Variants in FLNA observed in about 807,000 individuals in gnomAD.
The protein encoded by FLNA is filamin-A.
FLNA carries 7 observed loss-of-function variants against 157.6 expected under a neutral mutation model. The ratio of observed to expected loss-of-function variants is 0.04; its 90% CI spans 0.03 to 0.08. FLNA has a LOEUF of 0.08. FLNA is among the 10% of genes least tolerant of loss of function. FLNA has a pLI of 1.00. For missense variants in FLNA, 1,750 were observed against 2,398.4 expected, an observed-to-expected ratio of 0.73 and a Z score of 5.65; for synonymous variants, 1,103 against 1,060.8, an observed-to-expected ratio of 1.04 and a Z score of -0.77.
chrX:154,355,185 C>T (rs1367551537), intron 30 of FLNA, 113 bp from the exon 31 acceptor site: 2 of 779,815 alleles, frequency 2.6e-6, no homozygotes, highest in Non-Finnish European at 3.6e-6. Flanking sequence ...CCAAGCACAG[C>T]CAGGCCGCCA....
chrX:154,358,599 C>T (rs781871752), intron 26 of FLNA, 31 bp from the exon 27 acceptor site: 17 of 1,203,001 alleles, frequency 1.4e-5, no homozygotes, highest in Non-Finnish European at 1.8e-5. Flanking sequence ...AGAGCATCAG[C>T]TAGTCTCCTG....
At chrX:154,373,431 T>C (rs1379486178) in intron 1 of FLNA, among the ~76,000 whole-genome samples, 1 of 112,255 alleles carries the variant, frequency 8.9e-6, no homozygotes, top group Non-Finnish European at 1.9e-5. Flanking sequence ...TGTAGAGGGT[T>C]CTTGTCCCTA....
rs1557176451 is a variant in FLNA, at chrX:154,354,395, T to G, written c.5402A>C (p.Lys1801Thr). The G allele has an allele frequency of 8.3e-7, 1 of 1,211,582 alleles. No homozygotes were observed. The highest frequency in any genetic ancestry group is 2.2e-5 in the Admixed American group (1 of 46,128). ...TCCCCACTCACCTGTGATCTCGCCC[T>G]TCTTGATGGTGAAGGGGATGACAAG... ...FDLVIPFTIK[K>T]GEITGEVRMP... The change falls in exon 33 of 48, where the codon AAG becomes ACG. Residue 1801 changes from lysine (K) to threonine (T), a missense_variant. Coordinates refer to ENST00000369850, the MANE Select transcript of FLNA (RefSeq NM_001110556.2).
chrX:154,356,110 A>AC (rs1358524309), intron 30 of FLNA, among the ~76,000 whole-genome samples: 1 of 111,671 alleles, frequency 9.0e-6, no homozygotes, highest in African/African-American at 3.3e-5. Context: ...ACTCATGTGC[A>AC]CCCCATGCCA....
At chrX:154,364,468 C>T (rs904913739) in intron 13 of FLNA, 58 bp downstream of exon 13, 2 of 1,192,803 alleles carry the variant, frequency 1.7e-6, no homozygotes, top group African/African-American at 3.6e-5. Flanking sequence ...GCCATCCCCA[C>T]CAGACCCCAA....
At chrX:154,349,179 C>G (rs781949254) in intron 47 of FLNA, 143 bp from the exon 48 acceptor site, 2 of 761,942 alleles carry the variant, frequency 2.6e-6, no homozygotes, top group African/African-American at 4.1e-5. Context: ...CAACCCAGGC[C>G]AGCTTAGCAG....
Position 154,350,999 on chromosome X carries a change from T to G in FLNA, c.7066A>C (p.Ser2356Arg), listed in dbSNP as rs781823700. ...ATCGCCCCCTTGGCCCCGTTCAGGCTGACTGCAAAAGAGGCTGGCTGGTTG... is the reference window on the plus strand; with the variant it reads ...ATCGCCCCCTTGGCCCCGTTCAGGCGGACTGCAAAAGAGGCTGGCTGGTTG... ...KVNQPASFAV[S>R]LNGAKGAIDA... is the part of the protein sequence containing the mutation. Residue 2356 changes from serine to arginine, a missense_variant, in exon 44 of 48, where the codon AGC (serine) becomes CGC (arginine). By Grantham distance (110) the Ser-to-Arg change is moderately radical. Transcript: ENST00000369850. 30 of 1,210,317 alleles carry G rather than the reference T, an allele frequency of 2.5e-5. No homozygotes were observed. In the Admixed American group the frequency reaches 2.8e-4, roughly 11 times the overall value.
intron 5 of FLNA, 71 bp downstream of exon 5, chrX:154,367,326 C>G: frequency 8.8e-7 from 1 of 1,137,953 alleles, no homozygotes; most frequent in Non-Finnish European, 1.2e-6. Context: ...GGGACCGCCA[C>G]GTTTAGATGG....
intron 40 of FLNA, 43 bp downstream of exon 40, chrX:154,352,510 C>T: frequency 3.3e-6 from 4 of 1,210,865 alleles, no homozygotes; most frequent in Non-Finnish European, 4.5e-6. Context: ...CTTGGGGCTG[C>T]TTGAGCCCCA....
At chrX:154,357,870 G>C (rs1485705634) in intron 28 of FLNA, among the ~76,000 whole-genome samples, 1 of 112,749 alleles carries the variant, frequency 8.9e-6, no homozygotes, top group Non-Finnish European at 1.9e-5. Flanking sequence ...TCAGCCCCAG[G>C]GCCTGGCCAG....
chrX:154,371,328 C>G lies in FLNA; in HGVS notation c.-83G>C. 9.0e-7 allele frequency: 1 copy of G among 1,110,963 alleles called. No individual in the cohort carries two copies. The highest frequency in any genetic ancestry group is 1.2e-6 in the Non-Finnish European group (1 of 831,484). The allele number at this position is 1,110,963 out of a possible 1,213,427, so 91.6% of individuals were successfully genotyped here. Reference sequence around the variant, plus strand: ...TTAATTAAAGTCGCAGGCACCTAGGCGCGCGGGAGGCGAGGCAGGGAGCAG... The same window carrying G: ...TTAATTAAAGTCGCAGGCACCTAGGGGCGCGGGAGGCGAGGCAGGGAGCAG... On this transcript the variant is annotated 5_prime_UTR_variant, in exon 2 of 48. Transcript: ENST00000369850.
In FLNA at chrX:154,366,546, C is replaced by T. The variant is rs781811929; in HGVS notation, c.1065+16G>A. 22 of 1,210,492 alleles carry T rather than the reference C, an allele frequency of 1.8e-5. No individual in the cohort carries two copies. The highest frequency in any genetic ancestry group is 3.0e-5 in the East Asian group (1 of 33,858). ...CTGCCTGAGGTCACAAGCCTCCCCC[C>T]TGGCCAAGGGCTCACCTTATGAGTC... On this transcript the variant is annotated intron_variant, in intron 7 of 47. Transcript: ENST00000369850.
At position 154,371,368 on chromosome X, in the gene FLNA, A is replaced by G. The variant is rs782535872; in HGVS notation, c.-116-7T>C. The G allele has an allele frequency of 2.2e-4, 194 of 888,617 alleles. No homozygotes were observed. The highest frequency in any genetic ancestry group is 1.2e-3 in the African/African-American group (57 of 49,312). The allele number at this position is 888,617 out of a possible 1,213,427, so 73.2% of individuals were successfully genotyped here. ...GCAGGGAGCAGAGGTTGCGCTGCGG[A>G]GAGAGCGAGCCCTTTAAATGCGGGA... On this transcript the variant is annotated splice_region_variant and splice_polypyrimidine_tract_variant and intron_variant, in intron 1 of 47. Coordinates refer to ENST00000369850, the MANE Select transcript of FLNA (RefSeq NM_001110556.2).
intron 12 of FLNA, 40 bp downstream of exon 12, chrX:154,364,781 C>A: frequency 8.3e-7 from 1 of 1,210,409 alleles, no homozygotes; most frequent in Admixed American, 2.2e-5. Context: ...TCCTTGCCAT[C>A]GTCTGTCCCC....
chrX:154,359,140 C>T lies in FLNA; in HGVS notation c.4318G>A (p.Val1440Ile). Residue 1440 changes from valine to isoleucine, a missense_variant, in exon 26 of 48, where the codon GTC (valine) becomes ATC (isoleucine). Transcript: ENST00000369850. The stretch of plus-strand genomic sequence containing the variant: ...GCATCTGTCACATCATGCACAGGGA[C>T]CTTGAAAGGACTGCCTGAGGGTTGG... Reference protein sequence around the residue: ...GHQVPGSPFKVPVHDVTDASK... With the variant: ...GHQVPGSPFKIPVHDVTDASK... The T allele has an allele frequency of 1.7e-6, 2 of 1,211,331 alleles. No homozygotes were observed. Among genetic ancestry groups the T allele is most frequent in the Non-Finnish European group, 2.2e-6 (2 of 895,559 alleles).
chrX:154,356,452 A>T (rs782247079), intron 30 of FLNA, among the ~76,000 whole-genome samples: 1 of 111,272 alleles, frequency 9.0e-6, no homozygotes, highest in Non-Finnish European at 1.9e-5. Flanking sequence ...TCACACACAC[A>T]TCGGATCCTA....
At chrX:154,356,486 C>G (rs1039651504) in intron 30 of FLNA, among the ~76,000 whole-genome samples, 5 of 112,305 alleles carry the variant, frequency 4.5e-5, no homozygotes, top group African/African-American at 1.6e-4. Context: ...AAAGCCATCT[C>G]GCTCCTGCCG....
rs2070829 is a variant in FLNA at position 154,357,797 on chromosome X, G to C, written c.4756-174C>G. ...TGCACCTGGCAGAGTCCAGAATGGA[G>C]ACTAAAACATCCCACACTTCCCACA... On this transcript the variant is annotated intron_variant, in intron 28 of 47. Coordinates refer to ENST00000369850, the MANE Select transcript of FLNA (RefSeq NM_001110556.2). 0.1 allele frequency among the ~76,000 whole-genome samples: 11,791 copies of C among 112,380 alleles called. 490 individuals carry two copies. The highest frequency in any genetic ancestry group is 0.17 in the South Asian group (475 of 2,778).
intron 3 of FLNA, 47 bp downstream of exon 3, chrX:154,367,795 C>CCT (rs782094694): frequency 2.2e-5 from 26 of 1,208,844 alleles, no homozygotes; most frequent in Non-Finnish European, 2.9e-5. Flanking sequence ...CAAGGGCCAC[C>CCT]CATGGGTGAC....
Sources: gnomAD v4.1 joint callset for allele counts (sites outside exome capture counted in the v4.1 genomes callset) on GRCh38, gnomAD v4.1.1 for gene constraint, MANE v1.5 for transcripts, NCBI Gene and HGNC (gene_info 2026-07-23, HGNC 2026-07-21) for gene names.